Variants in RBFOX2 observed in about 807,000 individuals in gnomAD.
The protein encoded by RBFOX2 is RNA binding protein fox-1 homolog 2.
Under a neutral mutation model 49.1 loss-of-function variants are expected in RBFOX2, and 10 were observed. The ratio of observed to expected loss-of-function variants is 0.20; its 90% CI spans 0.13 to 0.35. The LOEUF (loss-of-function observed/expected upper bound fraction) is 0.35, where lower values mean the gene tolerates loss of function less well. Ranked by LOEUF, RBFOX2 falls within the 10% of genes least tolerant of loss-of-function variation. The pLI, the probability that RBFOX2 is intolerant of heterozygous loss-of-function variation, is 1.00. For synonymous variants in RBFOX2, 183 were observed against 187.4 expected (o/e 0.98, Z 0.19); for missense variants, 323 against 486.9 (o/e 0.66, Z 3.17).
intron 1 of RBFOX2, among the ~76,000 whole-genome samples, chr22:35,944,017 G>A (rs1399487657): frequency 6.6e-6 from 1 of 152,194 alleles, no homozygotes; most frequent in Non-Finnish European, 1.5e-5. Flanking sequence ...CTGCTTAGAT[G>A]CTCCTATATG....
intron 1 of RBFOX2, among the ~76,000 whole-genome samples, chr22:35,971,539 C>A (rs190988353): frequency 6.3e-4 from 96 of 152,230 alleles, no homozygotes; most frequent in Admixed American, 1.3e-3. Flanking sequence ...CTGCTCCCAA[C>A]CCACAAGAAA....
intron 1 of RBFOX2, among the ~76,000 whole-genome samples, chr22:35,952,700 C>T (rs546499212): frequency 6.6e-6 from 1 of 152,230 alleles, no homozygotes; most frequent in East Asian, 1.9e-4. Context: ...TTGTGTTCTT[C>T]ATTAAAAATA....
At chr22:35,833,918 T>C (rs963472780) in intron 1 of RBFOX2, among the ~76,000 whole-genome samples, 4 of 152,068 alleles carry the variant, frequency 2.6e-5, no homozygotes, top group Admixed American at 1.3e-4. Flanking sequence ...AATATTAATA[T>C]TTTTATCATA....
At chr22:36,022,573 T>C (rs113750591) in intron 1 of RBFOX2, among the ~76,000 whole-genome samples, 3,177 of 152,316 alleles carry the variant, frequency 0.021, 111 homozygotes, top group African/African-American at 0.073. Flanking sequence ...AAGTTTTACA[T>C]GACTGTTCCT....
At chr22:35,905,599 G>A (rs2049037145) in intron 1 of RBFOX2, among the ~76,000 whole-genome samples, 4 of 152,148 alleles carry the variant, frequency 2.6e-5, no homozygotes, top group African/African-American at 7.2e-5. Context: ...GAAATATTCT[G>A]CACAAATTCA....
At chr22:35,930,003 A>G (rs1242155718) in intron 1 of RBFOX2, among the ~76,000 whole-genome samples, 1 of 151,262 alleles carries the variant, frequency 6.6e-6, no homozygotes, top group Admixed American at 6.6e-5. Flanking sequence ...TATAGAAATG[A>G]CATCTTAATA....
At chr22:35,991,323 A>G (rs1021927674) in intron 1 of RBFOX2, among the ~76,000 whole-genome samples, 1 of 152,208 alleles carries the variant, frequency 6.6e-6, no homozygotes, top group African/African-American at 2.4e-5. Flanking sequence ...AAAAGTATAA[A>G]GTCAGTTAGG....
chr22:35,836,171 T>C (rs1957619364), intron 1 of RBFOX2: 1 of 152,080 alleles, frequency 6.6e-6, no homozygotes, highest in Non-Finnish European at 1.5e-5. Flanking sequence ...TGCCACAAAA[T>C]GGAGACTAAA....
At chr22:35,857,482 TA>T (rs2042643171) in intron 1 of RBFOX2, among the ~76,000 whole-genome samples, 1 of 152,124 alleles carries the variant, frequency 6.6e-6, no homozygotes, top group African/African-American at 2.4e-5. Flanking sequence ...ACTAGCCAAA[TA>T]AGAATAACAC....
intron 1 of RBFOX2, among the ~76,000 whole-genome samples, chr22:35,899,576 A>G (rs926895266): frequency 5.3e-5 from 8 of 151,886 alleles, no homozygotes; most frequent in East Asian, 1.9e-4. Flanking sequence ...CAAAAAAAAA[A>G]AAAGAAAGAA....
chr22:36,016,030 A>G (rs540475793), intron 1 of RBFOX2, among the ~76,000 whole-genome samples: 1 of 152,170 alleles, frequency 6.6e-6, no homozygotes, highest in Non-Finnish European at 1.5e-5. Context: ...AGGAGTCCCA[A>G]CAACTTCCAG....
At chr22:35,928,239 T>G (rs1489684345) in intron 1 of RBFOX2, among the ~76,000 whole-genome samples, 1 of 152,164 alleles carries the variant, frequency 6.6e-6, no homozygotes. Context: ...TGTGTGTGTG[T>G]CTGTGTCTGT....
chr22:36,025,723 C>T (rs567095293), intron 1 of RBFOX2, among the ~76,000 whole-genome samples: 1 of 152,302 alleles, frequency 6.6e-6, no homozygotes, highest in Admixed American at 6.5e-5. Flanking sequence ...GGACTTATAA[C>T]TTTTAGAAGG....
At chr22:35,897,336 C>T (rs934992906) in intron 1 of RBFOX2, 14 of 1,393,194 alleles carry the variant, frequency 1.0e-5, no homozygotes, top group African/African-American at 1.4e-5. Flanking sequence ...GTGATGAAGC[C>T]GCAGCACCTC....
At chr22:35,804,466 G>GCCA (rs1391857816) in intron 2 of RBFOX2, among the ~76,000 whole-genome samples, 2 of 152,082 alleles carry the variant, frequency 1.3e-5, no homozygotes, top group African/African-American at 2.4e-5. Flanking sequence ...ACGGCTCAAA[G>GCCA]CCAAAGACAA....
chr22:35,850,602 C>G (rs1211839484), intron 1 of RBFOX2, among the ~76,000 whole-genome samples: 1 of 152,152 alleles, frequency 6.6e-6, no homozygotes, highest in African/African-American at 2.4e-5. Context: ...AAGCCAGTTG[C>G]TTTTCTCCTT....
At chr22:35,850,881 C>A (rs534217215) in intron 1 of RBFOX2, among the ~76,000 whole-genome samples, 11 of 152,198 alleles carry the variant, frequency 7.2e-5, no homozygotes, top group African/African-American at 1.2e-4. Flanking sequence ...AACTATTGAT[C>A]CTACGAAATC....
At chr22:35,774,970 A>C (rs1421231227) in intron 4 of RBFOX2, among the ~76,000 whole-genome samples, 2 of 152,184 alleles carry the variant, frequency 1.3e-5, no homozygotes, top group Non-Finnish European at 2.9e-5. Flanking sequence ...CAATAAAGCT[A>C]ATTTCTGTAC....
upstream of RBFOX2, among the ~76,000 whole-genome samples, chr22:35,940,342 T>C (rs1243646021): frequency 6.6e-6 from 1 of 152,166 alleles, no homozygotes; most frequent in East Asian, 1.9e-4. Context: ...AGTAAGTACA[T>C]GAAGAGATGC....
Sources: allele counts gnomAD v4.1 joint callset (sites outside exome capture counted in the v4.1 genomes callset), GRCh38; gene constraint gnomAD v4.1.1; transcripts MANE v1.5; gene names NCBI Gene and HGNC (gene_info 2026-07-23, HGNC 2026-07-21).